The following CCL15 variants were observed in gnomAD, a reference collection of about 807,000 sequenced individuals.
CCL15 encodes the protein C-C motif chemokine 15.
CCL15 carries 8 observed loss-of-function variants against 10.6 expected under a neutral mutation model. That is an observed-to-expected ratio of 0.75 (90% CI 0.44 to 1.36). The LOEUF (loss-of-function observed/expected upper bound fraction) is 1.36. Among genes scored for constraint, CCL15 ranks in the 40% most tolerant of loss-of-function variants. The probability of loss-of-function intolerance (pLI) is 0.00; values close to 1 mark genes in which losing one functional copy is unlikely to be tolerated. For missense variants in CCL15, 128 were observed against 136.6 expected (o/e 0.94, Z 0.32); for synonymous variants, 51 against 48.8 (o/e 1.04, Z -0.19).
intron 1 of CCL15, among the ~76,000 whole-genome samples, chr17:36,000,083 G>A (rs1172752418): frequency 1.3e-5 from 2 of 150,512 alleles, no homozygotes; most frequent in Non-Finnish European, 2.9e-5. Context: ...CCGGGGAGGC[G>A]GAGCTTGCAG....
intron 1 of CCL15, among the ~76,000 whole-genome samples, chr17:36,000,539 T>C (rs1168589005): frequency 6.6e-6 from 1 of 150,504 alleles, no homozygotes. Flanking sequence ...TTCATAGAGA[T>C]AGCTAAGGGT....
intron 1 of CCL15, among the ~76,000 whole-genome samples, chr17:35,999,266 G>A (rs1252800571): frequency 6.6e-6 from 1 of 152,088 alleles, no homozygotes; most frequent in Non-Finnish European, 1.5e-5. Context: ...TTTATTATAG[G>A]GCTCTGGAAA....
chr17:35,997,955 C>T (rs753885200), intron 3 of CCL15, 95 bp from the exon 4 acceptor site: 21 of 826,848 alleles, frequency 2.5e-5, no homozygotes, highest in Non-Finnish European at 3.9e-5. Flanking sequence ...TCCCAGTCAA[C>T]ACAGCCTGTT....
At chr17:35,999,074 T>C (rs1018130195) in intron 1 of CCL15, 149 bp from the exon 2 acceptor site, 10 of 659,490 alleles carry the variant, frequency 1.5e-5, no homozygotes, top group Non-Finnish European at 2.7e-5. Flanking sequence ...GCCTGCCTCC[T>C]GGCCCATTTA....
In CCL15 at chr17:35,997,615, C is replaced by G. The variant is rs995288518; in HGVS notation, c.*152G>C. 1.8e-6 allele frequency: 1 copy of G among 566,286 alleles called. No homozygotes were observed. The highest frequency in any genetic ancestry group is 3.1e-6 in the Non-Finnish European group (1 of 321,820). The allele number at this position is 566,286 out of a possible 1,614,324, so 35.1% of individuals were successfully genotyped here. ...TATATTAGTTTATTTCCTCTTAAAACTCAAGCAAAGTTAAAAAATTGAATA... is the reference window on the plus strand; with the variant it reads ...TATATTAGTTTATTTCCTCTTAAAAGTCAAGCAAAGTTAAAAAATTGAATA... On this transcript the variant is annotated 3_prime_UTR_variant, in exon 4 of 4. Coordinates refer to ENST00000617897, the MANE Select transcript of CCL15 (RefSeq NM_032965.6).
intron 1 of CCL15, among the ~76,000 whole-genome samples, chr17:35,999,656 G>C (rs2089966103): frequency 6.6e-6 from 1 of 151,846 alleles, no homozygotes; most frequent in African/African-American, 2.4e-5. Context: ...TAGTGATGAG[G>C]TCTTGCTATG....
At chr17:36,000,462 C>CAAA (rs71157588) in intron 1 of CCL15, among the ~76,000 whole-genome samples, 6 of 49,020 alleles carry the variant, frequency 1.2e-4, no homozygotes, top group East Asian at 4.3e-4. Flanking sequence ...AACTCCATCT[C>CAAA]AAAAAAAAAA....
Position 35,997,787 on chromosome 17 carries a change from GC to G in CCL15, c.321del (p.Lys107AsnfsTer2). Reference protein sequence around the residue: ...SGPGVQDCMKKLKPYSI With the variant: ...SGPGVQDCMKXLKPYSI The stretch of plus-strand genomic sequence containing the variant: ...TATTATTATATTGAGTAGGGCTTCA[GC>G]TTTTTCATGCAATCCTGAACTCCCG... On this transcript the variant is annotated frameshift_variant, in exon 4 of 4. Coordinates refer to ENST00000617897, the MANE Select transcript of CCL15 (RefSeq NM_032965.6). LOFTEE classifies it low-confidence loss of function (END_TRUNC). 2 of 1,613,520 alleles carry G rather than the reference GC, an allele frequency of 1.2e-6. No homozygotes were observed. The highest frequency in any genetic ancestry group is 1.7e-6 in the Non-Finnish European group (2 of 1,179,468).
At chr17:35,998,219 C>T in intron 3 of CCL15, 61 bp downstream of exon 3, 1 of 1,124,604 alleles carries the variant, frequency 8.9e-7, no homozygotes, top group South Asian at 1.3e-5. Flanking sequence ...GTCGTGTCCT[C>T]CCTGCAAGAT....
chr17:35,998,420 G>C, intron 2 of CCL15, 29 bp from the exon 3 acceptor site: 1 of 1,492,654 alleles, frequency 6.7e-7, no homozygotes, highest in Non-Finnish European at 9.3e-7. Flanking sequence ...TCATCTGAGG[G>C]CAAATCTTTC....
At position 35,998,544 on chromosome 17, in the gene CCL15, C is replaced by T. The variant is rs531989969; in HGVS notation, c.137-153G>A. ...CTTCAGACCCTCCCCAGGGTTTTGC[C>T]ATGTGTCTGAGGGCACTCAGGGTGG... On this transcript the variant is annotated intron_variant, in intron 2 of 3. Coordinates refer to ENST00000617897, the MANE Select transcript of CCL15 (RefSeq NM_032965.6). Among the ~76,000 whole-genome samples, 331 of 152,312 alleles carry T rather than the reference C, an allele frequency of 2.2e-3. 2 individuals are homozygous for T. Among genetic ancestry groups the T allele is most frequent in the African/African-American group, 7.4e-3 (306 of 41,568 alleles).
rs1185390276 is a variant in CCL15, at chr17:35,998,762, C to T, written c.136+104G>A. ...TTGGAGATATTCACCACCCTCAGGA[C>T]CCTCTCATTCTCCTCCCATTCTGTA... On this transcript the variant is annotated intron_variant, in intron 2 of 3. Transcript: ENST00000617897. The T allele has an allele frequency of 2.8e-5, 27 of 948,282 alleles. 1 individual carries two copies. The highest frequency in any genetic ancestry group is 2.2e-4 in the South Asian group (16 of 73,352). 58.7% of individuals were successfully genotyped at this position (948,282 alleles called of 1,614,324 possible).
chr17:36,000,693 T>C (rs1048709575), intron 1 of CCL15, among the ~76,000 whole-genome samples: 3 of 151,978 alleles, frequency 2.0e-5, no homozygotes, highest in African/African-American at 7.2e-5. Flanking sequence ...ACTATCCCTA[T>C]ACCCCAAAGC....
chr17:35,998,318 A>G lies in CCL15; in HGVS notation c.210T>C (p.Tyr70=). 1.2e-6 allele frequency: 2 copies of G among 1,614,176 alleles called. No individual in the cohort carries two copies. Among genetic ancestry groups the G allele is most frequent in the South Asian group, 1.1e-5 (1 of 91,066 alleles). The change falls in exon 3 of 4, where the codon TAT becomes TAC. Residue 70 remains tyrosine (Y), a synonymous_variant. Coordinates refer to ENST00000617897, the MANE Select transcript of CCL15 (RefSeq NM_032965.6). ...TGGAGCACTCGCTGCTCGTTTCAAA[A>G]TAACTTTTCATGAGTGAACACGGGA... ...QSIPCSLMKS[Y]FETSSECSKP...
chr17:35,998,619 G>C (rs1383198711), intron 2 of CCL15, among the ~76,000 whole-genome samples: 2 of 152,270 alleles, frequency 1.3e-5, no homozygotes, highest in East Asian at 3.9e-4. Flanking sequence ...GGCATCTGCA[G>C]ACACCTGCAG....
chr17:35,998,700 C>A (rs780964956), intron 2 of CCL15, among the ~76,000 whole-genome samples, 166 bp downstream of exon 2: 7 of 152,236 alleles, frequency 4.6e-5, no homozygotes, highest in African/African-American at 7.2e-5. Context: ...GAGAAGGCAT[C>A]TATGGAGGGG....
Position 35,998,881 on chromosome 17 carries a change from G to A in CCL15, c.121C>T (p.Pro41Ser). The stretch of plus-strand genomic sequence containing the variant: ...GATCACTTACTGTTCAGAACTACTG[G>A]ATTTTCCAGTGGAAGCTTTGACATC... ...LMMSKLPLEN[P>S]VVLNSFHFAA... The change falls in exon 2 of 4, where the codon CCA (proline) becomes TCA (serine). Residue 41 changes from proline to serine, a missense_variant. Transcript: ENST00000617897. 1 of 1,613,876 alleles carries A rather than the reference G, an allele frequency of 6.2e-7. No homozygotes were observed. Among genetic ancestry groups the A allele is most frequent in the Non-Finnish European group, 8.5e-7 (1 of 1,179,698 alleles).
Position 35,998,399 on chromosome 17 carries a change from A to G in CCL15, c.137-8T>C, listed in dbSNP as rs760888674. 11 of 1,598,574 alleles carry G rather than the reference A, an allele frequency of 6.9e-6. No individual in the cohort carries two copies. The highest frequency in any genetic ancestry group is 9.4e-6 in the Non-Finnish European group (11 of 1,166,556). On this transcript the variant is annotated splice_polypyrimidine_tract_variant and splice_region_variant and intron_variant, in intron 2 of 3. Transcript: ENST00000617897. ...CAGCAGCAAAGTGAAAGCCTGCAGC[A>G]AGAGAAAGCGTCATCTGAGGGCAAA...
chr17:36,001,272 A>G (rs989865987), intron 1 of CCL15, 145 bp downstream of exon 1: 4 of 1,042,750 alleles, frequency 3.8e-6, no homozygotes, highest in Non-Finnish European at 5.6e-6. Context: ...AAGGCTGCAG[A>G]CAGAGCCAGG....
Sources: gnomAD v4.1 joint callset for allele counts (sites outside exome capture counted in the v4.1 genomes callset) on GRCh38, gnomAD v4.1.1 for gene constraint, MANE v1.5 for transcripts, NCBI Gene and HGNC (gene_info 2026-07-23, HGNC 2026-07-21) for gene names.